MECOM: variants seen among roughly 807,000 people sequenced by gnomAD.
MECOM encodes the protein histone-lysine N-methyltransferase MECOM.
In MECOM, 13 loss-of-function variants were observed where a neutral mutation model predicts 116.3. The observed-to-expected ratio is 0.11, with a 90% CI of 0.07 to 0.18. The LOEUF (loss-of-function observed/expected upper bound fraction) is 0.18. Ranked by LOEUF, MECOM falls within the 10% of genes least tolerant of loss-of-function variation. MECOM has a pLI of 1.00. For synonymous variants in MECOM, 528 were observed against 535.2 expected, an observed-to-expected ratio of 0.99 and a Z score of 0.19; for missense variants, 1,299 against 1,509.0, an observed-to-expected ratio of 0.86 and a Z score of 2.31.
chr3:169,397,653 A>AT (rs1343805691), intron 1 of MECOM, among the ~76,000 whole-genome samples: 35 of 152,350 alleles, frequency 2.3e-4, no homozygotes, highest in African/African-American at 8.4e-4. Flanking sequence ...CATGAGACAG[A>AT]TATTCCCAGA....
At chr3:169,154,630 A>T (rs182804519) in intron 2 of MECOM, among the ~76,000 whole-genome samples, 2 of 152,252 alleles carry the variant, frequency 1.3e-5, no homozygotes, top group Admixed American at 1.3e-4. Context: ...ACAGTTTTTC[A>T]GTGAGTTCCG....
chr3:169,476,656 C>G (rs766732403), intron 1 of MECOM, among the ~76,000 whole-genome samples: 1 of 152,072 alleles, frequency 6.6e-6, no homozygotes, highest in Non-Finnish European at 1.5e-5. Flanking sequence ...TACTCATGCT[C>G]TCTGCAAGTA....
At chr3:169,098,336 C>A (rs2148922064) in intron 12 of MECOM, among the ~76,000 whole-genome samples, 1 of 152,278 alleles carries the variant, frequency 6.6e-6, no homozygotes, top group South Asian at 2.1e-4. Context: ...TCTTTCCTTG[C>A]CTTTAATTAC....
chr3:169,455,681 G>A (rs1380302661), intron 1 of MECOM, among the ~76,000 whole-genome samples: 1 of 152,166 alleles, frequency 6.6e-6, no homozygotes, highest in Non-Finnish European at 1.5e-5. Flanking sequence ...CCAACTACAA[G>A]CCATGCATGG....
At chr3:169,461,655 C>T (rs1005295019) in intron 1 of MECOM, among the ~76,000 whole-genome samples, 2 of 152,130 alleles carry the variant, frequency 1.3e-5, no homozygotes, top group Non-Finnish European at 2.9e-5. Context: ...TATTGCTCTC[C>T]ATTTTTGAAA....
intron 1 of MECOM, among the ~76,000 whole-genome samples, chr3:169,636,369 C>T (rs1458319289): frequency 6.6e-6 from 1 of 152,120 alleles, no homozygotes; most frequent in Non-Finnish European, 1.5e-5. Flanking sequence ...ATGTTTGTCT[C>T]CTAGAAACTA....
At chr3:169,220,775 A>G (rs906685508) in intron 2 of MECOM, among the ~76,000 whole-genome samples, 1 of 152,100 alleles carries the variant, frequency 6.6e-6, no homozygotes, top group Non-Finnish European at 1.5e-5. Context: ...GTGCCTGCCA[A>G]TAAGCTACAC....
intron 2 of MECOM, among the ~76,000 whole-genome samples, chr3:169,249,280 G>A (rs1755962967): frequency 6.6e-6 from 1 of 152,176 alleles, no homozygotes; most frequent in Non-Finnish European, 1.5e-5. Context: ...AACCATTTCT[G>A]ATTGCATCCA....
chr3:169,125,739 T>C lies in MECOM; in HGVS notation c.830+2105A>G, dbSNP rs550311839. Among the ~76,000 whole-genome samples, 17 of 152,284 alleles carry C rather than the reference T, an allele frequency of 1.1e-4. No homozygotes were observed. The East Asian group carries it at 3.1e-3, about 28-fold the overall frequency. On this transcript the variant is annotated intron_variant, in intron 5 of 16. Coordinates refer to ENST00000651503, the MANE Select transcript of MECOM (RefSeq NM_004991.4). ...GACTTCTCTGCTTTTCGTGGAATTT[T>C]ATCTCAATCTATAGAGCCTTGATCA...
chr3:169,298,601 T>C (rs1716093802), intron 2 of MECOM, among the ~76,000 whole-genome samples: 1 of 152,194 alleles, frequency 6.6e-6, no homozygotes, highest in African/African-American at 2.4e-5. Flanking sequence ...GATTTGAAGA[T>C]ACTTAGAATA....
chr3:169,245,691 T>C (rs914832640), intron 2 of MECOM, among the ~76,000 whole-genome samples: 1 of 152,218 alleles, frequency 6.6e-6, no homozygotes, highest in East Asian at 1.9e-4. Context: ...TGCTCTGTTA[T>C]AGAAATAGTA....
chr3:169,547,313 C>T (rs765817639), intron 1 of MECOM, among the ~76,000 whole-genome samples: 2 of 152,184 alleles, frequency 1.3e-5, no homozygotes, highest in African/African-American at 2.4e-5. Flanking sequence ...TTTCCTGAGG[C>T]CTCCCAGCAA....
In MECOM at chr3:169,338,600, G is replaced by GGTGTGTGTGTGTGTGT. The variant is rs149763365; in HGVS notation, c.375+42571_375+42586dup. ...ATTTAGGAAATGTATTTATGTTAGG[G>GGTGTGTGTGTGTGTGT]GTGTGTGTGTGTGTGTGTGTGTGTG... is the stretch of plus-strand genomic sequence containing the variant. On this transcript the variant is annotated intron_variant, in intron 2 of 16. Coordinates refer to ENST00000651503, the MANE Select transcript of MECOM (RefSeq NM_004991.4). 5.5e-3 allele frequency among the ~76,000 whole-genome samples: 805 copies of GGTGTGTGTGTGTGTGT among 146,520 alleles called. 3 individuals are homozygous for GGTGTGTGTGTGTGTGT. Among genetic ancestry groups the GGTGTGTGTGTGTGTGT allele is most frequent in the African/African-American group, 9.8e-3 (388 of 39,604 alleles).
intron 1 of MECOM, 95 bp downstream of exon 1, chr3:169,663,241 G>A (rs575756142): frequency 6.9e-7 from 1 of 1,457,346 alleles, no homozygotes; most frequent in African/African-American, 1.4e-5. Flanking sequence ...CCCGGCGCAA[G>A]AGGCAGCCCG....
chr3:169,518,503 T>C (rs1458960297), intron 1 of MECOM, among the ~76,000 whole-genome samples: 1 of 152,186 alleles, frequency 6.6e-6, no homozygotes, highest in South Asian at 2.1e-4. Flanking sequence ...TTAAGAATCA[T>C]GGTAGCCAAT....
In MECOM at chr3:169,658,266, C is replaced by CA. The variant is rs1015560800; in HGVS notation, c.37+5069dup. Among the ~76,000 whole-genome samples, 16 of 152,236 alleles carry CA rather than the reference C, an allele frequency of 1.1e-4. No individual in the cohort carries two copies. The Middle Eastern group carries it at 0.01, about 97-fold the overall frequency. On this transcript the variant is annotated intron_variant, in intron 1 of 16. Transcript: ENST00000651503. The stretch of plus-strand genomic sequence containing the variant: ...GCGGAAGAAGGGTTAACCGTCACTC[C>CA]AAAAAAATGTACCTGGCATCATCAG...
chr3:169,633,632 G>C (rs183957375), intron 1 of MECOM, among the ~76,000 whole-genome samples: 1 of 152,068 alleles, frequency 6.6e-6, no homozygotes, highest in South Asian at 2.1e-4. Context: ...ACTCTGTGTC[G>C]ATCAACCACT....
At chr3:169,484,489 C>T (rs542847020) in intron 1 of MECOM, among the ~76,000 whole-genome samples, 4 of 152,274 alleles carry the variant, frequency 2.6e-5, no homozygotes, top group African/African-American at 7.2e-5. Flanking sequence ...TAAAAAGATG[C>T]TCTGCCCAAT....
At chr3:169,278,780 C>G (rs893069666) in intron 2 of MECOM, among the ~76,000 whole-genome samples, 2 of 152,226 alleles carry the variant, frequency 1.3e-5, no homozygotes, top group African/African-American at 4.8e-5. Flanking sequence ...TGATGCATGA[C>G]GAACTCAAGC....
Sources: gnomAD v4.1 joint callset for allele counts (sites outside exome capture counted in the v4.1 genomes callset) on GRCh38, gnomAD v4.1.1 for gene constraint, MANE v1.5 for transcripts, NCBI Gene and HGNC (gene_info 2026-07-23, HGNC 2026-07-21) for gene names.